Variants in ELAVL4 observed in about 807,000 individuals in gnomAD.
ELAVL4 encodes ELAV like RNA binding protein 4.
ELAVL4 carries 1 observed loss-of-function variant against 35.6 expected under a neutral mutation model. The ratio of observed to expected loss-of-function variants is 0.03; its 90% CI spans 0.01 to 0.13. The LOEUF is 0.13. Ranked by LOEUF, ELAVL4 falls within the 10% of genes least tolerant of loss-of-function variation. The pLI is 1.00. For synonymous variants in ELAVL4, 156 were observed against 171.0 expected (o/e 0.91, Z 0.69); for missense variants, 267 against 464.9 (o/e 0.57, Z 3.91).
At chr1:50,119,551 GCTGAA>G (rs1668669635) in intron 1 of ELAVL4, among the ~76,000 whole-genome samples, 1 of 151,844 alleles carries the variant, frequency 6.6e-6, no homozygotes, top group African/African-American at 2.4e-5. Flanking sequence ...TAGATTTCTG[GCTGAA>G]GTTTTTCATG....
At chr1:50,110,524 G>A (rs910978478) in intron 1 of ELAVL4, among the ~76,000 whole-genome samples, 9 of 152,072 alleles carry the variant, frequency 5.9e-5, no homozygotes, top group Non-Finnish European at 1.3e-4. Flanking sequence ...AAAGAAGCAG[G>A]GAAACTCCTT....
chr1:50,165,439 T>TAC (rs1471429979), intron 2 of ELAVL4, among the ~76,000 whole-genome samples: 1 of 139,552 alleles, frequency 7.2e-6, no homozygotes, highest in South Asian at 2.2e-4. Context: ...TATATATATA[T>TAC]ATAGATATAG....
chr1:50,178,163 A>T (rs1287769394), intron 3 of ELAVL4, among the ~76,000 whole-genome samples: 1 of 152,152 alleles, frequency 6.6e-6, no homozygotes, highest in Non-Finnish European at 1.5e-5. Context: ...ATGAGTCCCC[A>T]TCTTTCATAG....
chr1:50,145,010 C>A lies in ELAVL4; in HGVS notation c.63C>A (p.Ser21Arg). The A allele has an allele frequency of 1.9e-6, 3 of 1,613,906 alleles. No individual in the cohort carries two copies. The highest frequency in any genetic ancestry group is 2.5e-6 in the Non-Finnish European group (3 of 1,179,936). Residue 21 changes from serine (S) to arginine (R), a missense_variant, in exon 2 of 7, where the codon AGC becomes AGA. Transcript: ENST00000371824. ...CAAATGGTCCGACATCCAATACAAG[C>A]AATGGACCCTCCAGCAACAACAGAA... ...QVSNGPTSNT[S>R]NGPSSNNRNC...
intron 1 of ELAVL4, among the ~76,000 whole-genome samples, chr1:50,053,122 T>C (rs1393102925): frequency 6.6e-6 from 1 of 152,250 alleles, no homozygotes; most frequent in Non-Finnish European, 1.5e-5. Flanking sequence ...ATAGAAATAC[T>C]GCAGCTTTTA....
rs1393079339 is a variant in ELAVL4, at chr1:50,144,926, G to T, written c.10-31G>T. The T allele has an allele frequency of 3.1e-6, 5 of 1,594,764 alleles. No homozygotes were observed. In the South Asian group the frequency reaches 5.8e-5, roughly 18 times the overall value. ...AGACTTTGTGTCTGAGATTTCAAAA[G>T]GCTTTTTCAATTGTTTTTATTTTTA... On this transcript the variant is annotated intron_variant, in intron 1 of 6. Coordinates refer to ENST00000371824, the MANE Select transcript of ELAVL4 (RefSeq NM_001144774.3).
At chr1:50,096,465 T>A (rs1198523181) in intron 1 of ELAVL4, among the ~76,000 whole-genome samples, 1 of 150,176 alleles carries the variant, frequency 6.7e-6, no homozygotes, top group Non-Finnish European at 1.5e-5. Flanking sequence ...TATCTAGAGC[T>A]GTGTATAGGG....
intron 2 of ELAVL4, among the ~76,000 whole-genome samples, chr1:50,164,328 G>A (rs554880651): frequency 1.8e-4 from 28 of 152,000 alleles, no homozygotes; most frequent in Non-Finnish European, 3.8e-4. Flanking sequence ...TCTAGGCATG[G>A]GGCTCTCGCT....
upstream of ELAVL4, among the ~76,000 whole-genome samples, chr1:50,104,770 G>A (rs1180420306): frequency 6.6e-6 from 1 of 152,196 alleles, no homozygotes; most frequent in Non-Finnish European, 1.5e-5. Context: ...AACAATATAA[G>A]TGATGTAATT....
chr1:50,071,912 C>A (rs1664547185), intron 1 of ELAVL4, among the ~76,000 whole-genome samples: 1 of 152,116 alleles, frequency 6.6e-6, no homozygotes, highest in Admixed American at 6.5e-5. Flanking sequence ...GTAGCACTCA[C>A]ATAAATTGAC....
chr1:50,158,822 C>T (rs950550239), intron 2 of ELAVL4, among the ~76,000 whole-genome samples: 9 of 152,182 alleles, frequency 5.9e-5, no homozygotes, highest in East Asian at 1.9e-4. Context: ...GGGTGGATCA[C>T]GAGGTCAGGA....
At chr1:50,189,116 G>T (rs1312362631) in intron 3 of ELAVL4, among the ~76,000 whole-genome samples, 1 of 152,210 alleles carries the variant, frequency 6.6e-6, no homozygotes, top group Admixed American at 6.5e-5. Context: ...TAAAAAGGAT[G>T]CCTTTTCCCT....
chr1:50,122,660 C>T (rs903724019), intron 1 of ELAVL4, among the ~76,000 whole-genome samples: 1 of 152,092 alleles, frequency 6.6e-6, no homozygotes, highest in Non-Finnish European at 1.5e-5. Context: ...TTGTAAACTT[C>T]AAGTTTCATT....
At chr1:50,069,476 G>A (rs1664415171) in intron 1 of ELAVL4, among the ~76,000 whole-genome samples, 1 of 152,152 alleles carries the variant, frequency 6.6e-6, no homozygotes. Flanking sequence ...TGATCTATTT[G>A]TTTGATTTAG....
intron 3 of ELAVL4, among the ~76,000 whole-genome samples, chr1:50,177,812 G>A (rs1008829821): frequency 6.6e-6 from 1 of 152,196 alleles, no homozygotes; most frequent in African/African-American, 2.4e-5. Context: ...TGAGAACATA[G>A]TATGGGAATG....
At chr1:50,169,319 G>A (rs1221378047) in intron 2 of ELAVL4, among the ~76,000 whole-genome samples, 1 of 152,064 alleles carries the variant, frequency 6.6e-6, no homozygotes, top group Non-Finnish European at 1.5e-5. Flanking sequence ...CACCTTCCCA[G>A]ACACACCCAG....
chr1:50,168,254 C>T (rs901410424), intron 2 of ELAVL4, among the ~76,000 whole-genome samples: 55 of 152,148 alleles, frequency 3.6e-4, no homozygotes, highest in African/African-American at 1.3e-3. Context: ...GGAGTGTCCC[C>T]AGCTTCATCA....
At chr1:50,048,486 G>A (rs1196803728) in intron 1 of ELAVL4, among the ~76,000 whole-genome samples, 1 of 152,024 alleles carries the variant, frequency 6.6e-6, no homozygotes, top group Non-Finnish European at 1.5e-5. Flanking sequence ...TTGGGTTGAC[G>A]CGCGCCCCCT....
Position 50,084,725 on chromosome 1 carries a change from G to T in ELAVL4, c.18+36543G>T, listed in dbSNP as rs545920625. On this transcript the variant is annotated intron_variant, in intron 1 of 6. Coordinates refer to the ELAVL4 transcript ENST00000448907. ...AACACTCTTGTCTTAGATCTTAATGGCTCATTGGTTAGTTTTTTCTCATCC... is the reference window on the plus strand; with the variant it reads ...AACACTCTTGTCTTAGATCTTAATGTCTCATTGGTTAGTTTTTTCTCATCC... Among the ~76,000 whole-genome samples, 25 of 150,458 alleles carry T rather than the reference G, an allele frequency of 1.7e-4. 1 individual carries two copies. In the South Asian group the frequency reaches 5.0e-3, roughly 30 times the overall value.
Sources: allele counts gnomAD v4.1 joint callset (sites outside exome capture counted in the v4.1 genomes callset), GRCh38; gene constraint gnomAD v4.1.1; transcripts MANE v1.5; gene names NCBI Gene and HGNC (gene_info 2026-07-23, HGNC 2026-07-21).